TOM1: variants seen among roughly 807,000 people sequenced by gnomAD.
TOM1 encodes the protein target of myb1 membrane trafficking protein.
Under a neutral mutation model 61.3 loss-of-function variants are expected in TOM1, and 38 were observed. The observed-to-expected ratio is 0.62, with a 90% CI of 0.48 to 0.81. The LOEUF is 0.81. TOM1 is among the 40% of genes least tolerant of loss of function. The pLI, the probability that TOM1 is intolerant of heterozygous loss-of-function variation, is 0.00. For missense variants in TOM1, 591 were observed against 659.6 expected (o/e 0.90, Z 1.14); for synonymous variants, 270 against 268.8 (o/e 1.00, Z -0.04).
At chr22:35,313,838 T>C (rs1215700435) in intron 1 of TOM1, among the ~76,000 whole-genome samples, 2 of 152,322 alleles carry the variant, frequency 1.3e-5, no homozygotes, top group Non-Finnish European at 2.9e-5. Flanking sequence ...AGCCGCCTGA[T>C]GACAGGTGGA....
intron 9 of TOM1, 111 bp downstream of exon 9, chr22:35,333,125 G>A: frequency 1.6e-6 from 2 of 1,219,456 alleles, no homozygotes; most frequent in South Asian, 2.4e-5. Context: ...GTCTTATCCA[G>A]GCCCATAGAG....
At chr22:35,343,247 ACACACACCTC>A (rs1324386944) in intron 12 of TOM1, among the ~76,000 whole-genome samples, 1 of 121,238 alleles carries the variant, frequency 8.2e-6, no homozygotes. Context: ...TACACCCACC[ACACACACCTC>A]CACACACCTC....
chr22:35,338,835 G>T, intron 12 of TOM1, 47 bp downstream of exon 12: 1 of 1,502,230 alleles, frequency 6.7e-7, no homozygotes, highest in South Asian at 1.3e-5. Flanking sequence ...CCTGAAGGAG[G>T]TGAGGGAATG....
At chr22:35,315,881 C>A (rs969863127) in intron 1 of TOM1, among the ~76,000 whole-genome samples, 1 of 152,226 alleles carries the variant, frequency 6.6e-6, no homozygotes, top group Non-Finnish European at 1.5e-5. Flanking sequence ...GGGACCATGC[C>A]CACCGAGTCC....
At chr22:35,321,011 A>G (rs958008250) in intron 2 of TOM1, among the ~76,000 whole-genome samples, 4 of 150,102 alleles carry the variant, frequency 2.7e-5, no homozygotes, top group Non-Finnish European at 5.9e-5. Flanking sequence ...ACTTGAATGG[A>G]AGGGTAAATG....
In TOM1 at chr22:35,299,918, C is replaced by T; in HGVS notation, c.-11C>T. ...TGATTCCCGGGGTTGGTGGCAGCGG[C>T]GGTAGCAGCAATGGACTTTCTCCTG... is the stretch of plus-strand genomic sequence containing the variant. On this transcript the variant is annotated 5_prime_UTR_variant, in exon 1 of 15. Coordinates refer to ENST00000449058, the MANE Select transcript of TOM1 (RefSeq NM_005488.3). The T allele has an allele frequency of 6.3e-7, 1 of 1,579,488 alleles. No individual in the cohort carries two copies. The highest frequency in any genetic ancestry group is 1.3e-5 in the African/African-American group (1 of 74,468).
chr22:35,302,183 T>C (rs1045492014), intron 1 of TOM1, among the ~76,000 whole-genome samples: 1 of 152,106 alleles, frequency 6.6e-6, no homozygotes, highest in Non-Finnish European at 1.5e-5. Context: ...ACCTTGGGGA[T>C]CTTCTAACCC....
At chr22:35,303,763 G>T (rs998307514) in intron 1 of TOM1, among the ~76,000 whole-genome samples, 2 of 152,082 alleles carry the variant, frequency 1.3e-5, no homozygotes, top group African/African-American at 4.8e-5. Context: ...CTCCCAAAGT[G>T]CTGGGATTGC....
intron 2 of TOM1, among the ~76,000 whole-genome samples, chr22:35,319,867 C>T (rs1927622004): frequency 2.0e-5 from 3 of 152,234 alleles, no homozygotes; most frequent in African/African-American, 7.2e-5. Flanking sequence ...GTGTCCCTTC[C>T]ACCGCAGGCC....
At chr22:35,307,840 A>G (rs1449644496) in intron 1 of TOM1, among the ~76,000 whole-genome samples, 1 of 152,224 alleles carries the variant, frequency 6.6e-6, no homozygotes, top group African/African-American at 2.4e-5. Context: ...GGTGCAGTAT[A>G]AACCCTGTAG....
intron 7 of TOM1, among the ~76,000 whole-genome samples, chr22:35,328,837 C>A (rs1455261806): frequency 6.6e-6 from 1 of 152,276 alleles, no homozygotes; most frequent in African/African-American, 2.4e-5. Context: ...TGCCGGGCAG[C>A]TCCCTGGACC....
chr22:35,340,304 G>T (rs776468986), intron 12 of TOM1, among the ~76,000 whole-genome samples: 2 of 152,168 alleles, frequency 1.3e-5, no homozygotes, highest in Non-Finnish European at 2.9e-5. Context: ...GGTAGGAAGT[G>T]AAGCTCTATG....
chr22:35,341,641 C>T (rs1289738674), intron 12 of TOM1, among the ~76,000 whole-genome samples: 1 of 152,176 alleles, frequency 6.6e-6, no homozygotes, highest in Non-Finnish European at 1.5e-5. Flanking sequence ...TCTGCTCCTG[C>T]TGCAGCCCAG....
chr22:35,337,380 T>C (rs1258389834), intron 11 of TOM1, among the ~76,000 whole-genome samples: 1 of 152,058 alleles, frequency 6.6e-6, no homozygotes, highest in Admixed American at 6.5e-5. Flanking sequence ...CTTCTCTGGG[T>C]CAGAAGTCAG....
intron 1 of TOM1, among the ~76,000 whole-genome samples, chr22:35,314,680 C>T (rs186411453): frequency 2.6e-5 from 4 of 152,104 alleles, no homozygotes; most frequent in East Asian, 3.9e-4. Context: ...AGAGGCCTGC[C>T]GGTGGAGCTC....
chr22:35,318,044 C>A, intron 2 of TOM1, 83 bp downstream of exon 2: 2 of 1,247,258 alleles, frequency 1.6e-6, no homozygotes, highest in Admixed American at 1.7e-5. Context: ...CAGGGAGCCC[C>A]TGCCCCAGCC....
At chr22:35,307,754 C>T (rs1169682097) in intron 1 of TOM1, among the ~76,000 whole-genome samples, 1 of 152,062 alleles carries the variant, frequency 6.6e-6, no homozygotes, top group Admixed American at 6.6e-5. Flanking sequence ...GAAGAACCAG[C>T]CAGACCACAG....
intron 11 of TOM1, 83 bp downstream of exon 11, chr22:35,334,531 A>G (rs1025956455): frequency 5.2e-6 from 8 of 1,549,762 alleles, no homozygotes; most frequent in Non-Finnish European, 7.1e-6. Flanking sequence ...GTGGCACACC[A>G]TGAGGAAGGG....
In TOM1 at chr22:35,323,001, G is replaced by C; in HGVS notation, c.217-27G>C. ...GCACCTCCTCTCCTCTGACCAAGGT[G>C]CTCGACGGCACCTCTCGGCCCTCCA... On this transcript the variant is annotated intron_variant, in intron 3 of 14. Coordinates refer to ENST00000449058, the MANE Select transcript of TOM1 (RefSeq NM_005488.3). This position sits in a 1 kb window ranked among gnomAD's most constrained non-coding sequence, Gnocchi z 4.2. The C allele has an allele frequency of 6.2e-7, 1 of 1,612,478 alleles. No homozygotes were observed. Among genetic ancestry groups the C allele is most frequent in the Non-Finnish European group, 8.5e-7 (1 of 1,179,342 alleles).
Sources: gnomAD v4.1 joint callset for allele counts (sites outside exome capture counted in the v4.1 genomes callset) on GRCh38, gnomAD v4.1.1 for gene constraint, Gnocchi (gnomAD v3.1) non-coding constraint, MANE v1.5 for transcripts, NCBI Gene and HGNC (gene_info 2026-07-23, HGNC 2026-07-21) for gene names.